Variants in IKZF1 observed in about 807,000 individuals in gnomAD.
IKZF1 encodes IKAROS family zinc finger 1.
In IKZF1, 10 loss-of-function variants were observed where a neutral mutation model predicts 51.7. The ratio of observed to expected loss-of-function variants is 0.19; its 90% CI spans 0.12 to 0.33. The LOEUF is 0.33. IKZF1 is among the 10% of genes least tolerant of loss of function. The pLI, the probability that IKZF1 is intolerant of heterozygous loss-of-function variation, is 1.00. For missense variants in IKZF1, 484 were observed against 707.5 expected (o/e 0.68, Z 3.58); for synonymous variants, 280 against 282.3 (o/e 0.99, Z 0.08).
chr7:50,328,570 C>T (rs1211354817), intron 3 of IKZF1: 1 of 152,184 alleles, frequency 6.6e-6, no homozygotes, highest in African/African-American at 2.4e-5. Context: ...ATACTGAGAG[C>T]TACCTATTGG....
intron 6 of IKZF1, chr7:50,388,340 C>G (rs374545081): frequency 6.6e-6 from 1 of 152,210 alleles, no homozygotes; most frequent in Non-Finnish European, 1.5e-5. Flanking sequence ...ATTCACCTTT[C>G]GGACTTTAAC....
intron 7 of IKZF1, among the ~76,000 whole-genome samples, chr7:50,397,142 A>T (rs537431182): frequency 1.3e-5 from 2 of 152,358 alleles, no homozygotes; most frequent in Admixed American, 6.5e-5. Context: ...TGAGATTAGC[A>T]GCAAAGCTTT....
At chr7:50,379,497 G>A (rs1215649092) in intron 4 of IKZF1, among the ~76,000 whole-genome samples, 6 of 152,240 alleles carry the variant, frequency 3.9e-5, no homozygotes, top group African/African-American at 1.4e-4. Context: ...TCTGACTCGG[G>A]TGTAATAGTA....
chr7:50,404,474 G>T lies in IKZF1; in HGVS notation c.*3847G>T, dbSNP rs1818666460. 4.4e-6 allele frequency: 1 copy of T among 229,870 alleles called. No homozygotes were observed. Among genetic ancestry groups the T allele is most frequent in the African/African-American group, 2.2e-5 (1 of 45,138 alleles). The allele number at this position is 229,870 out of a possible 1,614,324, so 14.2% of individuals were successfully genotyped here. On this transcript the variant is annotated 3_prime_UTR_variant, in exon 8 of 8. Coordinates refer to ENST00000331340, the MANE Select transcript of IKZF1 (RefSeq NM_006060.6). Reference sequence around the variant, plus strand: ...TCCCGTGAAGTCCACACTGGCGTAAGAGAAGGCCCAGCAGAGCAGGAATCT... The same window carrying T: ...TCCCGTGAAGTCCACACTGGCGTAATAGAAGGCCCAGCAGAGCAGGAATCT...
Position 50,376,871 on chromosome 7 carries a change from C to T in IKZF1, c.421+78C>T, listed in dbSNP as rs1810429894. 1 of 1,561,040 alleles carries T rather than the reference C, an allele frequency of 6.4e-7. No individual in the cohort carries two copies. Among genetic ancestry groups the T allele is most frequent in the Non-Finnish European group, 8.7e-7 (1 of 1,153,796 alleles). ...TTGAAGGAGGAAAGCATCCTGTCTT[C>T]CTTGTGTTCTGAGCATGTTTCTAAT... On this transcript the variant is annotated intron_variant, in intron 4 of 7. Coordinates refer to ENST00000331340, the MANE Select transcript of IKZF1 (RefSeq NM_006060.6). The surrounding 1 kb of genome is among the most constrained non-coding windows in gnomAD (Gnocchi z 4.5).
At chr7:50,383,090 T>C (rs1169619113) in intron 5 of IKZF1, among the ~76,000 whole-genome samples, 3 of 152,214 alleles carry the variant, frequency 2.0e-5, no homozygotes, top group African/African-American at 7.2e-5. Context: ...TACAATTCTT[T>C]CTGTTGTTAA....
chr7:50,400,799 G>T lies in IKZF1; in HGVS notation c.*172G>T. ...GAGTTGGTTGATTGGGGTTTGATTT[G>T]CTTTTGAAAAGATTTTTATTTTTAG... On this transcript the variant is annotated 3_prime_UTR_variant, in exon 8 of 8. Coordinates refer to ENST00000331340, the MANE Select transcript of IKZF1 (RefSeq NM_006060.6). This position sits in a 1 kb window ranked among gnomAD's most constrained non-coding sequence, Gnocchi z 5.4. 5 of 857,538 alleles carry T rather than the reference G, an allele frequency of 5.8e-6. No individual in the cohort carries two copies. The highest frequency in any genetic ancestry group is 8.7e-6 in the Non-Finnish European group (5 of 572,714). The allele number at this position is 857,538 out of a possible 1,614,324, so 53.1% of individuals were successfully genotyped here. A position where few individuals can be genotyped will look rare whatever the true frequency, so the allele number is the denominator to read the frequency against.
intron 2 of IKZF1, among the ~76,000 whole-genome samples, chr7:50,324,831 T>C (rs986610038): frequency 2.6e-5 from 4 of 152,198 alleles, no homozygotes; most frequent in Non-Finnish European, 1.5e-5. Flanking sequence ...GTACGACATT[T>C]CTTCATTGGG....
At chr7:50,361,921 A>T (rs1282725249) in intron 3 of IKZF1, among the ~76,000 whole-genome samples, 1 of 152,080 alleles carries the variant, frequency 6.6e-6, no homozygotes, top group Non-Finnish European at 1.5e-5. Flanking sequence ...ATCATTTTGA[A>T]CCTGCTGTTT....
intron 7 of IKZF1, among the ~76,000 whole-genome samples, chr7:50,392,496 G>C (rs1381965778): frequency 6.6e-6 from 1 of 152,180 alleles, no homozygotes; most frequent in Non-Finnish European, 1.5e-5. Flanking sequence ...TGCAGGGACA[G>C]TGAGCCAGGG....
chr7:50,370,642 A>G (rs1584846416), intron 3 of IKZF1, among the ~76,000 whole-genome samples: 1 of 152,086 alleles, frequency 6.6e-6, no homozygotes, highest in East Asian at 1.9e-4. Context: ...GAAAACATCC[A>G]CTCTTCATAT....
In IKZF1 at chr7:50,351,867, C is replaced by T. The variant is rs79142681; in HGVS notation, c.160+24110C>T. Among the ~76,000 whole-genome samples, 5 of 152,104 alleles carry T rather than the reference C, an allele frequency of 3.3e-5. No individual in the cohort carries two copies. The South Asian group carries it at 8.3e-4, about 25-fold the overall frequency. On this transcript the variant is annotated intron_variant, in intron 3 of 7. Coordinates refer to ENST00000331340, the MANE Select transcript of IKZF1 (RefSeq NM_006060.6). ...CTAGAACCTACTAACAATTCCCCCC[C>T]GCCCCCATGCCAAGATTCTTTAAAG...
intron 6 of IKZF1, among the ~76,000 whole-genome samples, chr7:50,389,429 C>A (rs562754599): frequency 1.3e-5 from 2 of 152,264 alleles, no homozygotes; most frequent in Admixed American, 1.3e-4. Flanking sequence ...CTAAAATGTT[C>A]ATTTATTCCC....
chr7:50,341,707 A>G (rs1232877314), intron 3 of IKZF1, among the ~76,000 whole-genome samples: 1 of 152,252 alleles, frequency 6.6e-6, no homozygotes, highest in African/African-American at 2.4e-5. Context: ...GACACAGGTG[A>G]AATTAATTTG....
At chr7:50,359,992 A>G (rs1180665853) in intron 3 of IKZF1, among the ~76,000 whole-genome samples, 1 of 152,182 alleles carries the variant, frequency 6.6e-6, no homozygotes, top group East Asian at 1.9e-4. Context: ...CCCCTTCCTT[A>G]AAGATTAGCA....
In IKZF1 at chr7:50,369,195, G is replaced by A. The variant is rs764630450; in HGVS notation, c.161-7338G>A. On this transcript the variant is annotated intron_variant, in intron 3 of 7. Transcript: ENST00000331340. ...TTATATGAACATATAAAACATTATG[G>A]TATTGGACAGAGAAATGATATTGAT... is the stretch of plus-strand genomic sequence containing the variant. 65 of 275,828 alleles carry A rather than the reference G, an allele frequency of 2.4e-4. No homozygotes were observed. In the Middle Eastern group the frequency reaches 9.7e-3, roughly 41 times the overall value. 17.1% of individuals were successfully genotyped at this position (275,828 alleles called of 1,614,324 possible). A position where few individuals can be genotyped will look rare whatever the true frequency, so the allele number is the denominator to read the frequency against.
At position 50,397,840 on chromosome 7, in the gene IKZF1, G is replaced by C. The variant is rs183758198; in HGVS notation, c.851-2078G>C. Among the ~76,000 whole-genome samples the C allele has an allele frequency of 2.8e-3, 426 of 152,220 alleles. 1 individual carries two copies. Among genetic ancestry groups the C allele is most frequent in the South Asian group, 5.4e-3 (26 of 4,814 alleles). ...TTTCATCCTGTTCTGTTTCTGGGAGGGCGTAACTGGCCATGCACAAGTTTT... is the reference window on the plus strand; with the variant it reads ...TTTCATCCTGTTCTGTTTCTGGGAGCGCGTAACTGGCCATGCACAAGTTTT... On this transcript the variant is annotated intron_variant, in intron 7 of 7. Transcript: ENST00000331340.
In IKZF1 at chr7:50,402,286, C is replaced by T; in HGVS notation, c.*1659C>T. On this transcript the variant is annotated 3_prime_UTR_variant, in exon 8 of 8. Transcript: ENST00000331340. ...CAGAGAGGAAATTGTACATAAGTACCTCAGCATTTAATCCAAACAGGGGTT... is the reference window on the plus strand; with the variant it reads ...CAGAGAGGAAATTGTACATAAGTACTTCAGCATTTAATCCAAACAGGGGTT... The T allele has an allele frequency of 8.7e-6, 2 of 230,684 alleles. No individual in the cohort carries two copies. The highest frequency in any genetic ancestry group is 1.7e-5 in the Non-Finnish European group (2 of 116,372). The allele number at this position is 230,684 out of a possible 1,614,324, so 14.3% of individuals were successfully genotyped here.
intron 5 of IKZF1, among the ~76,000 whole-genome samples, chr7:50,383,321 AATCT>A (rs1812390663): frequency 2.0e-5 from 3 of 152,120 alleles, no homozygotes; most frequent in African/African-American, 7.2e-5. Context: ...CAACCCACAT[AATCT>A]GGAGTCTTGA....
Sources: allele counts gnomAD v4.1 joint callset (sites outside exome capture counted in the v4.1 genomes callset), GRCh38; gene constraint gnomAD v4.1.1; non-coding constraint Gnocchi (gnomAD v3.1); transcripts MANE v1.5; gene names NCBI Gene and HGNC (gene_info 2026-07-23, HGNC 2026-07-21).